Variants in PHAX observed in about 807,000 individuals in gnomAD.
The protein encoded by PHAX is phosphorylated adapter RNA export protein.
A neutral mutation model predicts 41.6 loss-of-function variants in PHAX; 31 were observed. That is an observed-to-expected ratio of 0.75 (90% CI 0.56 to 1.01). PHAX has a LOEUF of 1.01. PHAX is among the 50% of genes least tolerant of loss of function. The pLI is 0.00. For synonymous variants in PHAX, 175 were observed against 164.9 expected, an observed-to-expected ratio of 1.06 and a Z score of -0.47; for missense variants, 453 against 472.9, an observed-to-expected ratio of 0.96 and a Z score of 0.39.
At chr5:126,604,239 A>G in intron 2 of PHAX, 56 bp downstream of exon 2, 2 of 1,408,942 alleles carry the variant, frequency 1.4e-6, no homozygotes, top group Non-Finnish European at 1.9e-6. Flanking sequence ...TTTACAGGAA[A>G]TAAAATGAAT....
intron 4 of PHAX, among the ~76,000 whole-genome samples, chr5:126,617,737 C>G (rs781741251): frequency 6.6e-6 from 1 of 152,184 alleles, no homozygotes; most frequent in Non-Finnish European, 1.5e-5. Flanking sequence ...TCTCGGCCCC[C>G]ACAAAGTGCT....
intron 4 of PHAX, among the ~76,000 whole-genome samples, chr5:126,621,079 G>T (rs1469590753): frequency 6.6e-6 from 1 of 151,960 alleles, no homozygotes; most frequent in Non-Finnish European, 1.5e-5. Flanking sequence ...CTGTCACCCA[G>T]GTCTCACATT....
chr5:126,621,637 C>A (rs1752274309), intron 4 of PHAX, among the ~76,000 whole-genome samples: 1 of 152,018 alleles, frequency 6.6e-6, no homozygotes, highest in Non-Finnish European at 1.5e-5. Flanking sequence ...TTTTAAAATT[C>A]CATTTGGGTA....
rs189294976 is a variant in PHAX at position 126,622,880 on chromosome 5, C to A, written c.916-1695C>A. Among the ~76,000 whole-genome samples the A allele has an allele frequency of 2.0e-5, 3 of 152,136 alleles. No individual in the cohort carries two copies. In the East Asian group the frequency reaches 5.8e-4, roughly 29 times the overall value. ...GTGGCTTACCCCTGTAATCCCAGCA[C>A]TTTGGGAGGCCGAGGCAGGTGGGTC... On this transcript the variant is annotated intron_variant, in intron 4 of 4. Transcript: ENST00000297540.
chr5:126,624,441 C>T (rs1159877942), intron 4 of PHAX, 134 bp from the exon 5 acceptor site: 2 of 730,082 alleles, frequency 2.7e-6, no homozygotes, highest in African/African-American at 1.8e-5. Context: ...TCTTGAACTC[C>T]ATCTTAATAA....
chr5:126,624,968 CTTG>C lies in PHAX; in HGVS notation c.*127_*129del, dbSNP rs2112840227. 1.2e-6 allele frequency: 1 copy of C among 868,392 alleles called. No homozygotes were observed. The highest frequency in any genetic ancestry group is 1.7e-6 in the Non-Finnish European group (1 of 574,584). 53.8% of individuals were successfully genotyped at this position (868,392 alleles called of 1,614,324 possible). A position where few individuals can be genotyped will look rare whatever the true frequency, so the allele number is the denominator to read the frequency against. The stretch of plus-strand genomic sequence containing the variant: ...AATCTGGAGGAAAGACAATTGTTTT[CTTG>C]TTTAAAATATGTGTGGAAAGGAATG... On this transcript the variant is annotated 3_prime_UTR_variant, in exon 5 of 5. Transcript: ENST00000297540.
Position 126,608,375 on chromosome 5 carries a change from C to G in PHAX, c.722C>G (p.Pro241Arg). The G allele has an allele frequency of 1.2e-6, 2 of 1,613,302 alleles. 1 individual carries two copies. The highest frequency in any genetic ancestry group is 2.2e-5 in the South Asian group (2 of 91,018). The change falls in exon 3 of 5, where the codon CCA becomes CGA. Residue 241 changes from proline to arginine, a missense_variant. Pro to Arg is a moderately radical substitution (Grantham distance 103, BLOSUM62 -2). Coordinates refer to ENST00000297540, the MANE Select transcript of PHAX (RefSeq NM_032177.4). ...ADEISFRLQE[P>R]KKDLIARVVR... ...TTGTTTCTCATCAGGTTACAGGAAC[C>G]AAAGAAAGACCTGATAGCCCGAGTA... is the stretch of plus-strand genomic sequence containing the variant.
intron 4 of PHAX, among the ~76,000 whole-genome samples, chr5:126,621,499 A>G (rs1283182298): frequency 6.6e-6 from 1 of 152,072 alleles, no homozygotes; most frequent in Non-Finnish European, 1.5e-5. Flanking sequence ...ATAAAATTTT[A>G]TTATAGATCA....
intron 4 of PHAX, among the ~76,000 whole-genome samples, chr5:126,620,896 C>T (rs771437452): frequency 2.6e-5 from 4 of 151,950 alleles, no homozygotes; most frequent in Non-Finnish European, 5.9e-5. Context: ...CCACCACACC[C>T]GGCTAATTTT....
chr5:126,623,732 G>A (rs1397449285), intron 4 of PHAX, among the ~76,000 whole-genome samples: 2 of 152,090 alleles, frequency 1.3e-5, no homozygotes, highest in Admixed American at 6.6e-5. Flanking sequence ...TTTTAGGAGA[G>A]AGTCTCCTTC....
chr5:126,624,496 G>T (rs1752316920), intron 4 of PHAX, 79 bp from the exon 5 acceptor site: 1 of 1,111,174 alleles, frequency 9.0e-7, no homozygotes, highest in African/African-American at 1.6e-5. Flanking sequence ...TGGAGATAAT[G>T]ATTTTAAAGG....
At chr5:126,620,122 T>C (rs1201968030) in intron 4 of PHAX, among the ~76,000 whole-genome samples, 1 of 152,356 alleles carries the variant, frequency 6.6e-6, no homozygotes, top group South Asian at 2.1e-4. Flanking sequence ...GTCATTTTAA[T>C]AGAGTCTGCT....
chr5:126,611,117 G>A (rs185636698), intron 3 of PHAX, among the ~76,000 whole-genome samples: 2 of 150,546 alleles, frequency 1.3e-5, no homozygotes, highest in African/African-American at 2.5e-5. Flanking sequence ...GTCCAATGGC[G>A]CAATCTTGGC....
chr5:126,624,014 T>G (rs1281290766), intron 4 of PHAX, among the ~76,000 whole-genome samples: 2 of 149,960 alleles, frequency 1.3e-5, no homozygotes, highest in Admixed American at 6.6e-5. Context: ...TTGGGTTTTT[T>G]TTTTTTTTTT....
At chr5:126,623,422 C>T (rs1752300493) in intron 4 of PHAX, among the ~76,000 whole-genome samples, 1 of 152,132 alleles carries the variant, frequency 6.6e-6, no homozygotes, top group South Asian at 2.1e-4. Context: ...CCTCATAAGG[C>T]TTTTGTGAGG....
rs996241109 is a variant in PHAX at position 126,610,433 on chromosome 5, A to G, written c.831+1949A>G. ...TTGGACATGGGGAGAAAAAAAACCCAGTTAGGATTAATAGCATTGGCTAAG... is the reference window on the plus strand; with the variant it reads ...TTGGACATGGGGAGAAAAAAAACCCGGTTAGGATTAATAGCATTGGCTAAG... On this transcript the variant is annotated intron_variant, in intron 3 of 4. Transcript: ENST00000297540. 1.1e-4 allele frequency among the ~76,000 whole-genome samples: 16 copies of G among 152,256 alleles called. 1 individual carries two copies. The highest frequency in any genetic ancestry group is 1.0e-3 in the Admixed American group (16 of 15,284).
At chr5:126,621,494 A>G (rs1162996328) in intron 4 of PHAX, among the ~76,000 whole-genome samples, 2 of 152,074 alleles carry the variant, frequency 1.3e-5, no homozygotes, top group Non-Finnish European at 2.9e-5. Context: ...GACCAATAAA[A>G]TTTTATTATA....
At chr5:126,608,329 A>C in intron 2 of PHAX, 35 bp from the exon 3 acceptor site, 2 of 1,599,058 alleles carry the variant, frequency 1.3e-6, no homozygotes, top group Non-Finnish European at 1.7e-6. Context: ...TTTGTACAAC[A>C]AACAAAGAGG....
chr5:126,620,691 A>G (rs895388336), intron 4 of PHAX, among the ~76,000 whole-genome samples: 1 of 152,084 alleles, frequency 6.6e-6, no homozygotes, highest in Non-Finnish European at 1.5e-5. Flanking sequence ...AAATAGAAAC[A>G]CTTGGAATAT....
Sources: gnomAD v4.1 joint callset for allele counts (sites outside exome capture counted in the v4.1 genomes callset) on GRCh38, gnomAD v4.1.1 for gene constraint, MANE v1.5 for transcripts, NCBI Gene and HGNC (gene_info 2026-07-23, HGNC 2026-07-21) for gene names.